The following TUBGCP3 variants were observed in gnomAD, a reference collection of about 807,000 sequenced individuals.
TUBGCP3 encodes tubulin gamma complex component 3.
TUBGCP3 carries 50 observed loss-of-function variants against 123.1 expected under a neutral mutation model. That is an observed-to-expected ratio of 0.41 (90% CI 0.32 to 0.51). TUBGCP3 has a LOEUF of 0.51. TUBGCP3 is among the 20% of genes least tolerant of loss of function. The pLI is 0.36. For missense variants in TUBGCP3, 882 were observed against 1,127.0 expected, an observed-to-expected ratio of 0.78 and a Z score of 3.11; for synonymous variants, 405 against 413.9, an observed-to-expected ratio of 0.98 and a Z score of 0.26.
chr13:112,544,247 A>T (rs967826049), intron 11 of TUBGCP3, among the ~76,000 whole-genome samples: 6 of 151,946 alleles, frequency 3.9e-5, no homozygotes, highest in Non-Finnish European at 8.8e-5. Flanking sequence ...AGGTCAGGAG[A>T]TCGAGACCAT....
chr13:112,554,171 A>G lies in TUBGCP3; in HGVS notation c.852T>C (p.Ser284=), dbSNP rs780732154. The change falls in exon 8 of 22, where the codon AGT becomes AGC. Residue 284 remains serine (S), a synonymous_variant. Coordinates refer to ENST00000261965, the MANE Select transcript of TUBGCP3 (RefSeq NM_006322.6). ...CYKVEGKANL[S]RSLRDTAVRL... ...TGACTGCTGTGTCTCTCAAAGACCTACTTAGATTTGCCTAAAAAGTAAATA... is the reference window on the plus strand; with the variant it reads ...TGACTGCTGTGTCTCTCAAAGACCTGCTTAGATTTGCCTAAAAAGTAAATA... 8 of 1,613,630 alleles carry G rather than the reference A, an allele frequency of 5.0e-6. No homozygotes were observed. Among genetic ancestry groups the G allele is most frequent in the Non-Finnish European group, 6.8e-6 (8 of 1,179,900 alleles).
At chr13:112,544,325 A>C (rs561931288) in intron 11 of TUBGCP3, among the ~76,000 whole-genome samples, 41 of 151,960 alleles carry the variant, frequency 2.7e-4, no homozygotes, top group African/African-American at 9.9e-4. Flanking sequence ...GGTGGCGGGC[A>C]CCTGTAGTCC....
At position 112,580,044 on chromosome 13, in the gene TUBGCP3, G is replaced by A. The variant is rs1311971829; in HGVS notation, c.76+7861C>T. Among the ~76,000 whole-genome samples, 10 of 152,234 alleles carry A rather than the reference G, an allele frequency of 6.6e-5. No homozygotes were observed. The East Asian group carries it at 9.7e-4, about 15-fold the overall frequency. ...GGCACTGTAAATGCATCTCAAACGC[G>A]TTATACTAAGTGAAAGAAACAAGTC... On this transcript the variant is annotated intron_variant, in intron 1 of 21. Transcript: ENST00000261965.
At chr13:112,494,415 C>T (rs931290482) in intron 20 of TUBGCP3, among the ~76,000 whole-genome samples, 2 of 152,174 alleles carry the variant, frequency 1.3e-5, no homozygotes, top group Non-Finnish European at 2.9e-5. Context: ...AACATCTAAA[C>T]TTAGTATAGT....
chr13:112,594,783 T>G, the TUBGCP3 span, among the ~76,000 whole-genome samples: 1 of 152,246 alleles, frequency 6.6e-6, no homozygotes, highest in Non-Finnish European at 1.5e-5. Context: ...TTCTGTTGAG[T>G]GTACTTTTAC....
At chr13:112,489,969 T>C (rs892143448) in intron 20 of TUBGCP3, 4 of 472,298 alleles carry the variant, frequency 8.5e-6, no homozygotes, top group Non-Finnish European at 1.1e-5. Flanking sequence ...TAACAAGGTA[T>C]ATAATTCATC....
At chr13:112,500,082 G>T (rs1049500077) in intron 19 of TUBGCP3, among the ~76,000 whole-genome samples, 1 of 152,102 alleles carries the variant, frequency 6.6e-6, no homozygotes. Flanking sequence ...GGCTTTTCAC[G>T]GACCACTGAT....
At chr13:112,535,591 A>G (rs924689870) in intron 11 of TUBGCP3, among the ~76,000 whole-genome samples, 1 of 152,096 alleles carries the variant, frequency 6.6e-6, no homozygotes, top group Non-Finnish European at 1.5e-5. Flanking sequence ...TCTTCTTTGG[A>G]GAAATATCTT....
In TUBGCP3 at chr13:112,565,084, A is replaced by G. The variant is rs1414933601; in HGVS notation, c.252+27T>C. ...TCATCATATCCTCAACAATGAGTGCAATGACCTCCAGAATTCTGCACTGTA... is the reference window on the plus strand; with the variant it reads ...TCATCATATCCTCAACAATGAGTGCGATGACCTCCAGAATTCTGCACTGTA... On this transcript the variant is annotated intron_variant, in intron 3 of 21. Transcript: ENST00000261965. 3 of 1,604,918 alleles carry G rather than the reference A, an allele frequency of 1.9e-6. No homozygotes were observed. The African/African-American group carries it at 4.0e-5, about 21-fold the overall frequency.
intron 18 of TUBGCP3, 148 bp from the exon 19 acceptor site, chr13:112,504,311 A>G (rs577376652): frequency 2.0e-6 from 2 of 1,022,434 alleles, no homozygotes; most frequent in African/African-American, 3.2e-5. Flanking sequence ...AACATGGCAA[A>G]ACCCCGTCTC....
the TUBGCP3 span, among the ~76,000 whole-genome samples, chr13:112,601,674 C>G: frequency 1.1e-4 from 17 of 152,214 alleles, no homozygotes; most frequent in Non-Finnish European, 1.9e-4. Context: ...CGACTCATCC[C>G]CAGCCATGTG....
In TUBGCP3 at chr13:112,519,821, G is replaced by A; in HGVS notation, c.1881+65C>T. The A allele has an allele frequency of 6.4e-7, 1 of 1,555,480 alleles. No homozygotes were observed. Among genetic ancestry groups the A allele is most frequent in the South Asian group, 1.2e-5 (1 of 83,262 alleles). On this transcript the variant is annotated intron_variant, in intron 15 of 21. Transcript: ENST00000261965. This position sits in a 1 kb window ranked among gnomAD's most constrained non-coding sequence, Gnocchi z 6.2. ...GAAACAACATGGAAAACACTCGCTAGAACACCCCGGCCCAGTGGGTCCTCG... is the reference window on the plus strand; with the variant it reads ...GAAACAACATGGAAAACACTCGCTAAAACACCCCGGCCCAGTGGGTCCTCG...
rs1257919123 is a variant in TUBGCP3, at chr13:112,519,802, A to G, written c.1881+84T>C. On this transcript the variant is annotated intron_variant, in intron 15 of 21. Coordinates refer to ENST00000261965, the MANE Select transcript of TUBGCP3 (RefSeq NM_006322.6). This position sits in a 1 kb window ranked among gnomAD's most constrained non-coding sequence, Gnocchi z 6.2. ...ATAACGGCTAGCTGTGCCTGAAACA[A>G]CATGGAAAACACTCGCTAGAACACC... is the stretch of plus-strand genomic sequence containing the variant. 3 of 1,489,870 alleles carry G rather than the reference A, an allele frequency of 2.0e-6. No individual in the cohort carries two copies. The highest frequency in any genetic ancestry group is 2.7e-6 in the Non-Finnish European group (3 of 1,118,902). 92.3% of individuals were successfully genotyped at this position (1,489,870 alleles called of 1,614,324 possible).
intron 16 of TUBGCP3, among the ~76,000 whole-genome samples, 186 bp downstream of exon 16, chr13:112,518,789 G>A (rs988769622): frequency 6.6e-6 from 1 of 152,130 alleles, no homozygotes; most frequent in Non-Finnish European, 1.5e-5. Flanking sequence ...GAGCATTTCA[G>A]TACTCATTAA....
At position 112,499,182 on chromosome 13, in the gene TUBGCP3, G is replaced by C; in HGVS notation, c.2311C>G (p.Leu771Val). 6.2e-7 allele frequency: 1 copy of C among 1,601,846 alleles called. No homozygotes were observed. Among genetic ancestry groups the C allele is most frequent in the Non-Finnish European group, 8.5e-7 (1 of 1,175,596 alleles). Residue 771 changes from leucine (L) to valine (V), a missense_variant, in exon 20 of 22, where the codon CTT (leucine) becomes GTT (valine). Transcript: ENST00000261965. ...AACACAGCTCTAAGTTGATTTAAAA[G>C]TGCCTGAAAGAGATGACAATGTTTT... Reference protein sequence around the residue: ...RCLLDSDSRALLNQLRAVFDQ... With the variant: ...RCLLDSDSRAVLNQLRAVFDQ...
At chr13:112,564,911 T>C (rs1219123692) in intron 3 of TUBGCP3, among the ~76,000 whole-genome samples, 200 bp downstream of exon 3, 3 of 152,216 alleles carry the variant, frequency 2.0e-5, no homozygotes, top group African/African-American at 7.2e-5. Flanking sequence ...TTCATCTTTA[T>C]AAGCAATTTA....
chr13:112,572,472 T>C (rs953210907), intron 1 of TUBGCP3, among the ~76,000 whole-genome samples: 2 of 150,586 alleles, frequency 1.3e-5, no homozygotes, highest in African/African-American at 2.4e-5. Context: ...TCTGTGTCCA[T>C]GTGTTCTCAC....
At position 112,565,108 on chromosome 13, in the gene TUBGCP3, T is replaced by A; in HGVS notation, c.252+3A>T. On this transcript the variant is annotated splice_donor_region_variant and intron_variant, in intron 3 of 21. Coordinates refer to ENST00000261965, the MANE Select transcript of TUBGCP3 (RefSeq NM_006322.6). The stretch of plus-strand genomic sequence containing the variant: ...CAATGACCTCCAGAATTCTGCACTG[T>A]ACCTGTGAATGAAGTTTTCTGTGGA... 6.2e-7 allele frequency: 1 copy of A among 1,613,502 alleles called. No individual in the cohort carries two copies. The highest frequency in any genetic ancestry group is 8.5e-7 in the Non-Finnish European group (1 of 1,179,648).
chr13:112,499,277 A>G lies in TUBGCP3; in HGVS notation c.2308-92T>C, dbSNP rs1292841531. The G allele has an allele frequency of 8.3e-6, 12 of 1,439,834 alleles. No individual in the cohort carries two copies. The African/African-American group carries it at 1.0e-4, about 12-fold the overall frequency. The allele number at this position is 1,439,834 out of a possible 1,614,324, so 89.2% of individuals were successfully genotyped here. On this transcript the variant is annotated intron_variant, in intron 19 of 21. Transcript: ENST00000261965. ...ATATTTAGTGAAAAGATATTAGAAAACAAGATATCAACTGAAATTCCCAAA... is the reference window on the plus strand; with the variant it reads ...ATATTTAGTGAAAAGATATTAGAAAGCAAGATATCAACTGAAATTCCCAAA...
Sources: gnomAD v4.1 joint callset for allele counts (sites outside exome capture counted in the v4.1 genomes callset) on GRCh38, gnomAD v4.1.1 for gene constraint, Gnocchi (gnomAD v3.1) non-coding constraint, MANE v1.5 for transcripts, NCBI Gene and HGNC (gene_info 2026-07-23, HGNC 2026-07-21) for gene names.